Variants in ANKRD44 observed in about 807,000 individuals in gnomAD.
ANKRD44 encodes serine/threonine-protein phosphatase 6 regulatory ankyrin repeat subunit B.
ANKRD44 carries 35 observed loss-of-function variants against 116.0 expected under a neutral mutation model. The ratio of observed to expected loss-of-function variants is 0.30; its 90% CI spans 0.23 to 0.40. The LOEUF (loss-of-function observed/expected upper bound fraction) is 0.40, where lower values mean the gene tolerates loss of function less well. Among genes scored for constraint, ANKRD44 ranks in the 10% least tolerant of loss-of-function variants. ANKRD44 has a pLI of 1.00. For missense variants in ANKRD44, 1,014 were observed against 1,242.6 expected (o/e 0.82, Z 2.77); for synonymous variants, 435 against 461.8 (o/e 0.94, Z 0.74).
chr2:197,176,794 C>T (rs2697239), intron 2 of ANKRD44, among the ~76,000 whole-genome samples: 145,357 of 152,192 alleles, frequency 0.96, 69,453 homozygotes, highest in East Asian at 1. Context: ...GCAAGTGACC[C>T]GGGTATAACC....
At chr2:197,057,676 C>T (rs926048137) in intron 16 of ANKRD44, among the ~76,000 whole-genome samples, 1 of 152,114 alleles carries the variant, frequency 6.6e-6, no homozygotes, top group Non-Finnish European at 1.5e-5. Context: ...GGCAATACAG[C>T]AAGATCCTGT....
chr2:197,226,775 G>A (rs2081727766), intron 1 of ANKRD44, among the ~76,000 whole-genome samples: 1 of 152,166 alleles, frequency 6.6e-6, no homozygotes, highest in South Asian at 2.1e-4. Flanking sequence ...GGTATTAAGT[G>A]ACATTCCTGA....
chr2:197,227,801 G>A (rs2081755693), intron 1 of ANKRD44, among the ~76,000 whole-genome samples: 1 of 152,196 alleles, frequency 6.6e-6, no homozygotes, highest in African/African-American at 2.4e-5. Context: ...CATAGGTAAA[G>A]CTCAGATAAT....
chr2:197,222,090 G>A (rs943075997), intron 1 of ANKRD44, among the ~76,000 whole-genome samples: 2 of 152,176 alleles, frequency 1.3e-5, no homozygotes, highest in Non-Finnish European at 2.9e-5. Context: ...AGCACCTGGA[G>A]GAAAAGGAGA....
At chr2:197,233,911 T>C (rs2081922339) in intron 1 of ANKRD44, among the ~76,000 whole-genome samples, 1 of 152,238 alleles carries the variant, frequency 6.6e-6, no homozygotes, top group Non-Finnish European at 1.5e-5. Flanking sequence ...AAGGTTTCAG[T>C]TACACAAGAT....
chr2:197,006,464 T>C (rs530584396), intron 20 of ANKRD44, among the ~76,000 whole-genome samples: 1 of 152,094 alleles, frequency 6.6e-6, no homozygotes, highest in South Asian at 2.1e-4. Context: ...GAAAGAAAGA[T>C]ATCATGATGC....
At chr2:197,054,959 C>A (rs2077176378) in intron 16 of ANKRD44, among the ~76,000 whole-genome samples, 1 of 152,158 alleles carries the variant, frequency 6.6e-6, no homozygotes, top group Admixed American at 6.5e-5. Flanking sequence ...TTACACTGGC[C>A]TGTAGCTGCT....
At chr2:197,121,223 G>T in intron 8 of ANKRD44, 109 bp downstream of exon 8, 2 of 1,065,888 alleles carry the variant, frequency 1.9e-6, no homozygotes, top group Non-Finnish European at 2.8e-6. Context: ...CCAGGACAAG[G>T]CTGTGAGGTT....
At chr2:197,095,897 T>G (rs563096251) in intron 10 of ANKRD44, among the ~76,000 whole-genome samples, 1 of 152,348 alleles carries the variant, frequency 6.6e-6, no homozygotes, top group Admixed American at 6.5e-5. Context: ...TTTGCATGTA[T>G]TTTGTAATTT....
In ANKRD44 at chr2:197,033,630, G is replaced by C. The variant is rs2076749513; in HGVS notation, c.1651-8363C>G. ...ATATTTCACAAACAGCACAGGGATG[G>C]GGGCAGGAAACAAAGAGAATTATGT... On this transcript the variant is annotated intron_variant, in intron 16 of 27. Transcript: ENST00000282272. Among the ~76,000 whole-genome samples the C allele has an allele frequency of 3.3e-5, 5 of 150,816 alleles. No individual in the cohort carries two copies. In the South Asian group the frequency reaches 1.1e-3, roughly 32 times the overall value.
At position 196,987,086 on chromosome 2, in the gene ANKRD44, T is replaced by C. The variant is rs1477650794; in HGVS notation, c.*2505A>G. On this transcript the variant is annotated 3_prime_UTR_variant, in exon 28 of 28. Transcript: ENST00000282272. ...ATAAAAGATATTTGCATTGAATTTT[T>C]AGATCACATAAGAAACGCATAGAAT... 1.0e-6 allele frequency: 1 copy of C among 984,824 alleles called. No homozygotes were observed. The highest frequency in any genetic ancestry group is 1.7e-5 in the African/African-American group (1 of 57,240). The allele number at this position is 984,824 out of a possible 1,614,324, so 61.0% of individuals were successfully genotyped here. A position where few individuals can be genotyped will look rare whatever the true frequency, so the allele number is the denominator to read the frequency against.
intron 1 of ANKRD44, among the ~76,000 whole-genome samples, chr2:197,282,467 T>C (rs1390774071): frequency 1.3e-5 from 2 of 151,962 alleles, no homozygotes; most frequent in Non-Finnish European, 1.5e-5. Flanking sequence ...GGATATAAGG[T>C]ACTTTAGAGA....
intron 17 of ANKRD44, chr2:197,015,579 T>C (rs988479296): frequency 3.9e-6 from 2 of 517,850 alleles, no homozygotes; most frequent in Non-Finnish European, 7.1e-6. Context: ...ACTTTGGAGA[T>C]GGAGGAAGTA....
chr2:197,002,662 G>T (rs1284567611), intron 21 of ANKRD44, among the ~76,000 whole-genome samples: 1 of 152,024 alleles, frequency 6.6e-6, no homozygotes, highest in Non-Finnish European at 1.5e-5. Context: ...TTGCTGCCTG[G>T]TATTGTCTCC....
intron 1 of ANKRD44, among the ~76,000 whole-genome samples, chr2:197,291,472 TGCACTCCAGCCTGG>T (rs1344222270): frequency 3.3e-5 from 5 of 152,108 alleles, no homozygotes; most frequent in Non-Finnish European, 7.4e-5. Context: ...ATCATGCCAT[TGCACTCCAGCCTGG>T]GCAACAGAGC....
At chr2:197,170,905 G>A (rs1184008863) in intron 2 of ANKRD44, among the ~76,000 whole-genome samples, 1 of 152,164 alleles carries the variant, frequency 6.6e-6, no homozygotes, top group South Asian at 2.1e-4. Flanking sequence ...GCCGGGGGTG[G>A]TGGAGATTCC....
At chr2:197,211,563 T>C (rs936671247) in intron 1 of ANKRD44, among the ~76,000 whole-genome samples, 3 of 152,188 alleles carry the variant, frequency 2.0e-5, no homozygotes, top group African/African-American at 4.8e-5. Context: ...ATATCCATGT[T>C]CATTTCAATG....
At chr2:197,221,429 C>A (rs2081584127) in intron 1 of ANKRD44, among the ~76,000 whole-genome samples, 1 of 152,104 alleles carries the variant, frequency 6.6e-6, no homozygotes, top group African/African-American at 2.4e-5. Context: ...AGGCACATAC[C>A]ACCATGCCCA....
At chr2:197,017,408 TC>T (rs1311750940) in intron 17 of ANKRD44, among the ~76,000 whole-genome samples, 2 of 152,198 alleles carry the variant, frequency 1.3e-5, no homozygotes, top group Non-Finnish European at 2.9e-5. Flanking sequence ...GAATGTTTCT[TC>T]CTGAGTGTGT....
Sources: gnomAD v4.1 joint callset for allele counts (sites outside exome capture counted in the v4.1 genomes callset) on GRCh38, gnomAD v4.1.1 for gene constraint, MANE v1.5 for transcripts, NCBI Gene and HGNC (gene_info 2026-07-23, HGNC 2026-07-21) for gene names.